PLAC9: variants seen among roughly 807,000 people sequenced by gnomAD.
PLAC9 encodes placenta associated 9.
In PLAC9, 12 loss-of-function variants were observed where a neutral mutation model predicts 11.5. The ratio of observed to expected loss-of-function variants is 1.05; its 90% CI spans 0.67 to 1.69. PLAC9 has a LOEUF of 1.69. Among genes scored for constraint, PLAC9 ranks in the 40% most tolerant of loss-of-function variants. PLAC9 has a pLI of 0.00. For synonymous variants in PLAC9, 62 were observed against 58.1 expected, an observed-to-expected ratio of 1.07 and a Z score of -0.31; for missense variants, 132 against 130.5, an observed-to-expected ratio of 1.01 and a Z score of -0.06.
chr10:80,144,809 G>A, intron 3 of PLAC9, 91 bp from the exon 4 acceptor site: 5 of 1,328,680 alleles, frequency 3.8e-6, no homozygotes, highest in Non-Finnish European at 5.1e-6. Context: ...CTGGGGGCCG[G>A]GGAGGGAAGG....
At chr10:80,144,048 G>A (rs1308761270) in intron 2 of PLAC9, 175 bp from the exon 3 acceptor site, 1 of 800,788 alleles carries the variant, frequency 1.2e-6, no homozygotes, top group African/African-American at 1.7e-5. Flanking sequence ...ATTGTCATCT[G>A]GGGAAACTGA....
At chr10:80,134,378 C>T (rs1252452493) in intron 1 of PLAC9, among the ~76,000 whole-genome samples, 1 of 151,854 alleles carries the variant, frequency 6.6e-6, no homozygotes, top group East Asian at 1.9e-4. Flanking sequence ...ATTCTCCTGC[C>T]TCAGCCTCCT....
intron 3 of PLAC9, 140 bp from the exon 4 acceptor site, chr10:80,144,760 G>C: frequency 1.1e-6 from 1 of 871,690 alleles, no homozygotes; most frequent in South Asian, 1.8e-5. Flanking sequence ...GTTGCACTCT[G>C]CTCTCTCCTT....
rs764086268 is a variant in PLAC9, at chr10:80,132,762, C to T, written c.-1C>T. On this transcript the variant is annotated 5_prime_UTR_variant, in exon 1 of 4. Transcript: ENST00000372263. ...GCGCTGCGCTCGGCCAGGCCGGCAC[C>T]ATGCGGCCCCTGCTCTGCGCGCTGA... 11 of 1,476,810 alleles carry T rather than the reference C, an allele frequency of 7.4e-6. No homozygotes were observed. Among genetic ancestry groups the T allele is most frequent in the Middle Eastern group, 2.3e-4 (1 of 4,268 alleles). The allele number at this position is 1,476,810 out of a possible 1,614,324, so 91.5% of individuals were successfully genotyped here. A position where few individuals can be genotyped will look rare whatever the true frequency, so the allele number is the denominator to read the frequency against.
chr10:80,132,418 T>C (rs572190523), upstream of PLAC9, among the ~76,000 whole-genome samples: 112 of 152,278 alleles, frequency 7.4e-4, no homozygotes, highest in East Asian at 5.0e-3. Context: ...AACAAACCCC[T>C]GACCCCAGGC....
intron 2 of PLAC9, among the ~76,000 whole-genome samples, chr10:80,143,479 C>A (rs1412129430): frequency 7.0e-6 from 1 of 142,262 alleles, no homozygotes; most frequent in Non-Finnish European, 1.5e-5. Context: ...CTCACTGCAA[C>A]CTCCACCTCC....
chr10:80,141,662 G>T (rs1341963317), intron 1 of PLAC9, among the ~76,000 whole-genome samples: 1 of 151,872 alleles, frequency 6.6e-6, no homozygotes, highest in Non-Finnish European at 1.5e-5. Flanking sequence ...TAAAGCCCCT[G>T]GGTTAAAGCT....
At chr10:80,134,926 G>A (rs1844956613) in intron 1 of PLAC9, among the ~76,000 whole-genome samples, 1 of 151,994 alleles carries the variant, frequency 6.6e-6, no homozygotes, top group African/African-American at 2.4e-5. Flanking sequence ...TCCCTTTTAT[G>A]TCATTTAAAT....
At chr10:80,144,460 C>T in intron 3 of PLAC9, 117 bp downstream of exon 3, 1 of 1,340,546 alleles carries the variant, frequency 7.5e-7, no homozygotes, top group Non-Finnish European at 9.9e-7. Context: ...AGGGAGGGCC[C>T]CAGCGCTCCC....
In PLAC9 at chr10:80,142,064, A is replaced by G. The variant is rs755277957; in HGVS notation, c.65-18A>G. 2.4e-5 allele frequency: 38 copies of G among 1,598,282 alleles called. No individual in the cohort carries two copies. In the Middle Eastern group the frequency reaches 9.9e-4, roughly 42 times the overall value. On this transcript the variant is annotated intron_variant, in intron 1 of 3. Coordinates refer to ENST00000372263, the MANE Select transcript of PLAC9 (RefSeq NM_001012973.3). ...GAAAACTAAGGGTCCCACAGTGACA[A>G]GACTTGTTTTCCCACAGCTGCCGAA...
Position 80,142,113 on chromosome 10 carries a change from C to A in PLAC9, c.96C>A (p.Asp32Glu). The A allele has an allele frequency of 6.2e-7, 1 of 1,611,294 alleles. No homozygotes were observed. Among genetic ancestry groups the A allele is most frequent in the Non-Finnish European group, 8.5e-7 (1 of 1,177,858 alleles). ...AACCCTTCAGCCCTCCGCGAGGAGA[C>A]TCAGCTCAGAGCACAGCGTGTGACA... ...AAEPFSPPRGDSAQSTACDRH... is the reference protein window; with the variant it reads ...AAEPFSPPRGESAQSTACDRH... The change falls in exon 2 of 4, where the codon GAC (aspartate) becomes GAA (glutamate). Residue 32 changes from aspartate (D) to glutamate (E), a missense_variant. Coordinates refer to ENST00000372263, the MANE Select transcript of PLAC9 (RefSeq NM_001012973.3).
intron 1 of PLAC9, among the ~76,000 whole-genome samples, chr10:80,138,951 CTTT>C (rs773767546): frequency 5.3e-5 from 7 of 131,274 alleles, no homozygotes; most frequent in Non-Finnish European, 4.7e-5. Context: ...TGCAATATTC[CTTT>C]TTTTTTTTTT....
rs199946892 is a variant in PLAC9 at position 80,138,004 on chromosome 10, G to A, written c.65-4078G>A. ...AGGGCCTTCTCAGGATGTGGGGCCA[G>A]GATGGAGCATAGCCCCCAGGGGCCT... is the stretch of plus-strand genomic sequence containing the variant. On this transcript the variant is annotated intron_variant, in intron 1 of 3. Transcript: ENST00000372263. Among the ~76,000 whole-genome samples the A allele has an allele frequency of 4.6e-5, 7 of 152,202 alleles. No homozygotes were observed. The East Asian group carries it at 1.4e-3, about 29-fold the overall frequency.
chr10:80,141,048 A>G (rs1278060409), intron 1 of PLAC9, among the ~76,000 whole-genome samples: 3 of 152,076 alleles, frequency 2.0e-5, no homozygotes, highest in Non-Finnish European at 4.4e-5. Context: ...TTAAGTTAGC[A>G]CCCTACATGG....
At chr10:80,140,967 C>T (rs1291600156) in intron 1 of PLAC9, among the ~76,000 whole-genome samples, 1 of 152,174 alleles carries the variant, frequency 6.6e-6, no homozygotes, top group Middle Eastern at 3.2e-3. Context: ...ACTTTGGACA[C>T]ATCCTTTCAC....
intron 1 of PLAC9, among the ~76,000 whole-genome samples, chr10:80,139,021 C>T (rs1457956357): frequency 6.7e-6 from 1 of 150,222 alleles, no homozygotes; most frequent in East Asian, 1.9e-4. Flanking sequence ...GCGCGATCTC[C>T]ACTCACTGCA....
chr10:80,133,808 G>T (rs1844940619), intron 1 of PLAC9, among the ~76,000 whole-genome samples: 1 of 152,026 alleles, frequency 6.6e-6, no homozygotes, highest in South Asian at 2.1e-4. Flanking sequence ...ATCGGGCGTG[G>T]TGGCACATGC....
At chr10:80,134,572 T>A (rs748673201) in intron 1 of PLAC9, among the ~76,000 whole-genome samples, 4 of 152,154 alleles carry the variant, frequency 2.6e-5, no homozygotes, top group Non-Finnish European at 4.4e-5. Flanking sequence ...CCTGGCATCA[T>A]GTATTTTCAT....
chr10:80,140,246 C>T (rs1432997714), intron 1 of PLAC9, among the ~76,000 whole-genome samples: 1 of 152,020 alleles, frequency 6.6e-6, no homozygotes, highest in Non-Finnish European at 1.5e-5. Context: ...ACCATAAATA[C>T]TCCTCTAGAC....
Sources: allele counts gnomAD v4.1 joint callset (sites outside exome capture counted in the v4.1 genomes callset), GRCh38; gene constraint gnomAD v4.1.1; transcripts MANE v1.5; gene names NCBI Gene and HGNC (gene_info 2026-07-23, HGNC 2026-07-21).